The following RPSA2 variants were observed in gnomAD, a reference collection of about 807,000 sequenced individuals.
The protein encoded by RPSA2 is ribosomal protein SA 2, also known as small ribosomal subunit protein uS2B.
At chr19:23,842,701 A>G in the RPSA2 span, 1 of 152,376 alleles carries the variant, frequency 6.6e-6, no homozygotes, top group South Asian at 2.1e-4. Context: ...ATTTCCTAAT[A>G]TACCCTAAGG....
chr19:23,847,636 A>T, the RPSA2 span, among the ~76,000 whole-genome samples: 1 of 152,204 alleles, frequency 6.6e-6, no homozygotes, highest in Non-Finnish European at 1.5e-5. Context: ...CTTGATAAAC[A>T]TCTTAACAGA....
chr19:23,839,312 T>A, the RPSA2 span, among the ~76,000 whole-genome samples: 1 of 152,150 alleles, frequency 6.6e-6, no homozygotes, highest in African/African-American at 2.4e-5. Flanking sequence ...CTTGGTATAA[T>A]GTCAATTTTC....
At chr19:23,782,628 A>G in the RPSA2 span, 1 of 152,176 alleles carries the variant, frequency 6.6e-6, no homozygotes, top group Admixed American at 6.5e-5. Flanking sequence ...GTCCCTGCAC[A>G]CAGGAGTCAC....
At chr19:23,869,609 G>C in the RPSA2 span, among the ~76,000 whole-genome samples, 6 of 152,146 alleles carry the variant, frequency 3.9e-5, no homozygotes, top group African/African-American at 1.2e-4. Context: ...CACTGCCATT[G>C]GTGGCAAGCT....
the RPSA2 span, among the ~76,000 whole-genome samples, chr19:23,826,877 G>A: frequency 0.98 from 148,323 of 151,624 alleles, 72,639 homozygotes; most frequent in Middle Eastern, 1. Context: ...TTTTCAGTAA[G>A]GACAGGGTTC....
the RPSA2 span, chr19:23,758,895 G>A: frequency 1.8e-6 from 2 of 1,120,172 alleles, no homozygotes; most frequent in East Asian, 4.7e-5. Context: ...GAGAGACAAA[G>A]GCCCCGCCAA....
the RPSA2 span, among the ~76,000 whole-genome samples, chr19:23,848,829 A>G: frequency 1.3e-5 from 2 of 152,210 alleles, no homozygotes; most frequent in Non-Finnish European, 2.9e-5. Flanking sequence ...TGGCTTGCCA[A>G]TCATTGACAA....
At chr19:23,809,461 A>G in the RPSA2 span, 1 of 152,156 alleles carries the variant, frequency 6.6e-6, no homozygotes, top group Non-Finnish European at 1.5e-5. Flanking sequence ...TTTGGATAAT[A>G]TGGCAGTTTC....
the RPSA2 span, among the ~76,000 whole-genome samples, chr19:23,794,269 A>T: frequency 5.9e-5 from 9 of 152,234 alleles, 1 homozygote; most frequent in Admixed American, 4.6e-4. Flanking sequence ...TCTGTGAGGA[A>T]TTACCACACT....
chr19:23,783,539 C>CA, the RPSA2 span, among the ~76,000 whole-genome samples: 106,168 of 130,990 alleles, frequency 0.81, 42,678 homozygotes, highest in Admixed American at 0.86. Context: ...TGAGCACTGC[C>CA]AAAAAAAAAA....
chr19:23,773,272 A>G, the RPSA2 span, among the ~76,000 whole-genome samples: 144,614 of 148,418 alleles, frequency 0.97, 70,541 homozygotes, highest in Middle Eastern at 1. Context: ...AATTTGATAT[A>G]TATATATATA....
At chr19:23,814,084 C>T in the RPSA2 span, among the ~76,000 whole-genome samples, 14 of 151,092 alleles carry the variant, frequency 9.3e-5, no homozygotes, top group Admixed American at 2.6e-4. Flanking sequence ...TTGTGGCAGG[C>T]GCCTGTAATC....
At chr19:23,850,927 C>G in the RPSA2 span, among the ~76,000 whole-genome samples, 6 of 152,170 alleles carry the variant, frequency 3.9e-5, no homozygotes, top group Non-Finnish European at 8.8e-5. Context: ...CGTTCCACAA[C>G]AGCCTGTCCC....
the RPSA2 span, among the ~76,000 whole-genome samples, chr19:23,829,493 G>A: frequency 6.6e-6 from 1 of 152,082 alleles, no homozygotes; most frequent in African/African-American, 2.4e-5. Context: ...TAGATATGAG[G>A]TTTCTCCATG....
the RPSA2 span, among the ~76,000 whole-genome samples, chr19:23,867,130 C>A: frequency 6.6e-6 from 1 of 152,136 alleles, no homozygotes; most frequent in Non-Finnish European, 1.5e-5. Flanking sequence ...CTCTAATAGA[C>A]CCACCTGTTT....
chr19:23,837,217 C>T, the RPSA2 span, among the ~76,000 whole-genome samples: 3 of 151,956 alleles, frequency 2.0e-5, no homozygotes, highest in East Asian at 1.9e-4. Flanking sequence ...GCCTATTATC[C>T]CAGTACCGTT....
the RPSA2 span, among the ~76,000 whole-genome samples, chr19:23,848,635 G>A: frequency 2.3e-4 from 35 of 152,340 alleles, no homozygotes; most frequent in African/African-American, 8.2e-4. Context: ...TGAATGATCA[G>A]TCTTGTTGTA....
the RPSA2 span, among the ~76,000 whole-genome samples, chr19:23,773,707 A>G: frequency 2.6e-5 from 4 of 152,262 alleles, no homozygotes; most frequent in East Asian, 7.7e-4. Flanking sequence ...GGAAAAATTG[A>G]CTCTCATATG....
the RPSA2 span, among the ~76,000 whole-genome samples, chr19:23,868,278 A>G: frequency 6.6e-6 from 1 of 152,194 alleles, no homozygotes; most frequent in Non-Finnish European, 1.5e-5. Flanking sequence ...CCTTCTATTA[A>G]TCAGAGACAT....
Sources: gnomAD v4.1 joint callset for allele counts (sites outside exome capture counted in the v4.1 genomes callset) on GRCh38, gnomAD v4.1.1 for gene constraint, MANE v1.5 for transcripts, NCBI Gene and HGNC (gene_info 2026-07-23, HGNC 2026-07-21) for gene names.